TAFA2: variants seen among roughly 807,000 people sequenced by gnomAD.
The protein encoded by TAFA2 is TAFA chemokine like family member 2.
In TAFA2, 7 loss-of-function variants were observed where a neutral mutation model predicts 18.8. The ratio of observed to expected loss-of-function variants is 0.37; its 90% CI spans 0.21 to 0.70. The LOEUF (loss-of-function observed/expected upper bound fraction) is 0.70. TAFA2 is among the 30% of genes least tolerant of loss of function. TAFA2 has a pLI of 0.53. For synonymous variants in TAFA2, 60 were observed against 54.2 expected (o/e 1.11, Z -0.47); for missense variants, 122 against 158.1 (o/e 0.77, Z 1.23).
chr12:61,801,699 C>A (rs79090376), intron 2 of TAFA2, among the ~76,000 whole-genome samples: 2,805 of 151,950 alleles, frequency 0.018, 85 homozygotes, highest in African/African-American at 0.064. Flanking sequence ...ATTGGTTGAG[C>A]CAAAGATTTT....
chr12:62,124,456 A>G (rs1870364070), intron 1 of TAFA2, among the ~76,000 whole-genome samples: 1 of 152,174 alleles, frequency 6.6e-6, no homozygotes, highest in Non-Finnish European at 1.5e-5. Context: ...CACAAAGTGC[A>G]TTCCACATTT....
At chr12:62,204,738 T>C (rs1335193236) in intron 1 of TAFA2, among the ~76,000 whole-genome samples, 1 of 152,172 alleles carries the variant, frequency 6.6e-6, no homozygotes, top group Non-Finnish European at 1.5e-5. Flanking sequence ...TGTTTTATCA[T>C]GGTTCTCAGA....
chr12:61,716,559 C>A (rs1396179586), intron 4 of TAFA2, among the ~76,000 whole-genome samples: 1 of 151,940 alleles, frequency 6.6e-6, no homozygotes, highest in Non-Finnish European at 1.5e-5. Context: ...CAATGTAAAT[C>A]TTATATGATA....
chr12:61,713,682 C>A (rs1346934777), intron 4 of TAFA2, among the ~76,000 whole-genome samples: 1 of 151,914 alleles, frequency 6.6e-6, no homozygotes, highest in Non-Finnish European at 1.5e-5. Context: ...TATGCAAGGT[C>A]CAAATACTAT....
At chr12:61,991,787 C>T (rs529567423) in intron 1 of TAFA2, among the ~76,000 whole-genome samples, 1 of 152,312 alleles carries the variant, frequency 6.6e-6, no homozygotes, top group African/African-American at 2.4e-5. Flanking sequence ...CTGCTAGTCT[C>T]GCTAAAACAG....
At chr12:61,917,742 A>T (rs1265475449) in intron 1 of TAFA2, among the ~76,000 whole-genome samples, 1 of 152,210 alleles carries the variant, frequency 6.6e-6, no homozygotes, top group African/African-American at 2.4e-5. Flanking sequence ...ACCTGGGTAA[A>T]GGTCTACCAA....
At chr12:61,856,768 A>G (rs1247061995) in intron 2 of TAFA2, among the ~76,000 whole-genome samples, 2 of 152,044 alleles carry the variant, frequency 1.3e-5, no homozygotes, top group East Asian at 3.9e-4. Flanking sequence ...TTCCCGTACT[A>G]CAAATCTAGA....
chr12:62,045,845 A>G (rs1265070915), intron 1 of TAFA2, among the ~76,000 whole-genome samples: 1 of 152,188 alleles, frequency 6.6e-6, no homozygotes, highest in African/African-American at 2.4e-5. Context: ...AACCAACAGC[A>G]AGGAGGCTAC....
At chr12:61,851,970 G>C (rs913337949) in intron 2 of TAFA2, among the ~76,000 whole-genome samples, 1 of 151,834 alleles carries the variant, frequency 6.6e-6, no homozygotes, top group Non-Finnish European at 1.5e-5. Flanking sequence ...CAATTTGGGA[G>C]GCCGAGGGGG....
At chr12:62,010,745 C>T (rs1411730544) in intron 1 of TAFA2, among the ~76,000 whole-genome samples, 1 of 145,406 alleles carries the variant, frequency 6.9e-6, no homozygotes, top group Non-Finnish European at 1.5e-5. Context: ...AGGTGAGGGG[C>T]GTCTCTGCCC....
chr12:61,950,450 G>A (rs749665970), intron 1 of TAFA2, among the ~76,000 whole-genome samples: 1 of 152,020 alleles, frequency 6.6e-6, no homozygotes, highest in Non-Finnish European at 1.5e-5. Context: ...TTTGATAGTG[G>A]CCATCCTAAT....
intron 1 of TAFA2, among the ~76,000 whole-genome samples, chr12:62,127,844 G>A (rs529230155): frequency 1.3e-5 from 2 of 151,966 alleles, no homozygotes; most frequent in Non-Finnish European, 2.9e-5. Context: ...CTGTAAAAAT[G>A]GAAAGATTTA....
intron 1 of TAFA2, among the ~76,000 whole-genome samples, chr12:62,044,061 T>C (rs1183468019): frequency 6.6e-6 from 1 of 152,114 alleles, no homozygotes; most frequent in Non-Finnish European, 1.5e-5. Context: ...TTTTTCCATC[T>C]TTGCAATGCA....
chr12:62,092,604 T>G (rs560042927), intron 1 of TAFA2, among the ~76,000 whole-genome samples: 6 of 152,150 alleles, frequency 3.9e-5, no homozygotes, highest in African/African-American at 1.4e-4. Flanking sequence ...TAGCCTCCTT[T>G]ACTGGTTCCT....
chr12:61,846,965 C>T (rs941598624), intron 2 of TAFA2, among the ~76,000 whole-genome samples: 3 of 152,134 alleles, frequency 2.0e-5, no homozygotes, highest in Non-Finnish European at 4.4e-5. Context: ...TCTTCCTTTC[C>T]TCCTTACTTC....
At chr12:62,136,704 A>G (rs1870909307) in intron 1 of TAFA2, among the ~76,000 whole-genome samples, 1 of 152,162 alleles carries the variant, frequency 6.6e-6, no homozygotes, top group African/African-American at 2.4e-5. Context: ...TCTTCTAACC[A>G]CAAAGTGTTG....
At chr12:62,150,618 C>T (rs1222446104) in intron 1 of TAFA2, among the ~76,000 whole-genome samples, 1 of 152,044 alleles carries the variant, frequency 6.6e-6, no homozygotes, top group Non-Finnish European at 1.5e-5. Context: ...CAGTAGCAAA[C>T]CTGGCTGGGC....
At chr12:62,189,160 T>G (rs1225152947) in intron 1 of TAFA2, among the ~76,000 whole-genome samples, 1 of 151,714 alleles carries the variant, frequency 6.6e-6, no homozygotes, top group Admixed American at 6.6e-5. Context: ...CTAAATTTTT[T>G]AAAGGCAAGA....
intron 1 of TAFA2, chr12:62,235,122 A>T (rs1185345489): frequency 6.2e-6 from 4 of 642,054 alleles, no homozygotes; most frequent in Non-Finnish European, 1.2e-5. Context: ...TACAGGCATT[A>T]TCTGGGGCCC....
Sources: allele counts gnomAD v4.1 joint callset (sites outside exome capture counted in the v4.1 genomes callset), GRCh38; gene constraint gnomAD v4.1.1; transcripts MANE v1.5; gene names NCBI Gene and HGNC (gene_info 2026-07-23, HGNC 2026-07-21).